BRINP3: variants seen among roughly 807,000 people sequenced by gnomAD.
The protein encoded by BRINP3 is BMP/retinoic acid inducible neural specific 3, also known as BMP/retinoic acid-inducible neural-specific protein 3.
A neutral mutation model predicts 71.0 loss-of-function variants in BRINP3; 19 were observed. The ratio of observed to expected loss-of-function variants is 0.27; its 90% CI spans 0.19 to 0.39. The LOEUF (loss-of-function observed/expected upper bound fraction) is 0.39. BRINP3 is among the 10% of genes least tolerant of loss of function. The pLI is 1.00. For missense variants in BRINP3, 959 were observed against 940.8 expected, an observed-to-expected ratio of 1.02 and a Z score of -0.25; for synonymous variants, 380 against 337.7, an observed-to-expected ratio of 1.13 and a Z score of -1.37.
intron 2 of BRINP3, among the ~76,000 whole-genome samples, chr1:190,344,465 CA>C (rs35115949): frequency 0.4 from 61,078 of 151,622 alleles, 13,756 homozygotes; most frequent in Non-Finnish European, 0.51. Context: ...CTTTTCAGTG[CA>C]AACATAAGTA....
intron 2 of BRINP3, among the ~76,000 whole-genome samples, chr1:190,282,906 ACT>A (rs1663146285): frequency 6.6e-6 from 1 of 152,034 alleles, no homozygotes; most frequent in Admixed American, 6.6e-5. Context: ...AAGGAGGGTA[ACT>A]CTGCCGAGAC....
chr1:190,319,075 T>C (rs1666069555), intron 2 of BRINP3, among the ~76,000 whole-genome samples: 1 of 152,166 alleles, frequency 6.6e-6, no homozygotes, highest in African/African-American at 2.4e-5. Context: ...TCAGACCTGG[T>C]TGTGCTTATT....
At chr1:190,216,676 C>A (rs1318846263) in intron 6 of BRINP3, among the ~76,000 whole-genome samples, 1 of 151,848 alleles carries the variant, frequency 6.6e-6, no homozygotes, top group Non-Finnish European at 1.5e-5. Context: ...TATCTACTGA[C>A]TGAATTTTAT....
intron 2 of BRINP3, among the ~76,000 whole-genome samples, chr1:190,306,482 A>T (rs1044969775): frequency 6.6e-5 from 10 of 151,944 alleles, no homozygotes; most frequent in Admixed American, 4.6e-4. Flanking sequence ...TTGAAATATT[A>T]ACTAATGAAA....
intron 7 of BRINP3, among the ~76,000 whole-genome samples, chr1:190,132,422 T>C (rs1038881323): frequency 1.3e-5 from 2 of 152,138 alleles, no homozygotes; most frequent in African/African-American, 4.8e-5. Context: ...TGTATTATAT[T>C]GGGTTGTAGT....
intron 7 of BRINP3, among the ~76,000 whole-genome samples, chr1:190,130,564 G>A (rs1457320458): frequency 6.6e-6 from 1 of 151,894 alleles, no homozygotes; most frequent in Non-Finnish European, 1.5e-5. Flanking sequence ...TGTTTGCTGA[G>A]CACTTTTCAT....
At chr1:190,121,224 G>A (rs1166139154) in intron 7 of BRINP3, among the ~76,000 whole-genome samples, 1 of 152,088 alleles carries the variant, frequency 6.6e-6, no homozygotes, top group Non-Finnish European at 1.5e-5. Context: ...CTACTGTACT[G>A]TACTGTACTG....
intron 2 of BRINP3, among the ~76,000 whole-genome samples, chr1:190,313,074 C>A (rs1665643732): frequency 6.6e-6 from 1 of 151,486 alleles, no homozygotes; most frequent in Non-Finnish European, 1.5e-5. Flanking sequence ...AAGATGACGA[C>A]TACAAATTAC....
chr1:190,291,924 A>T (rs1173358570), intron 2 of BRINP3, among the ~76,000 whole-genome samples: 1 of 152,170 alleles, frequency 6.6e-6, no homozygotes, highest in Non-Finnish European at 1.5e-5. Flanking sequence ...GGATTTTAAA[A>T]GGTGTTATAT....
Position 190,460,903 on chromosome 1 carries a change from C to T in BRINP3, c.-50-5963G>A, listed in dbSNP as rs569281500. Among the ~76,000 whole-genome samples, 4 of 152,228 alleles carry T rather than the reference C, an allele frequency of 2.6e-5. No individual in the cohort carries two copies. The East Asian group carries it at 7.7e-4, about 29-fold the overall frequency. ...AAATATAAGATTTACCACTTTTTCT[C>T]CACCCCCATTTTACTTGATCAGCTC... On this transcript the variant is annotated intron_variant, in intron 1 of 7. Transcript: ENST00000367462.
chr1:190,247,914 A>G (rs1659757691), intron 4 of BRINP3, among the ~76,000 whole-genome samples: 1 of 151,934 alleles, frequency 6.6e-6, no homozygotes, highest in African/African-American at 2.4e-5. Context: ...TCTTACATTT[A>G]TGGGTTCCCC....
chr1:190,381,621 C>T (rs1159046636), intron 2 of BRINP3, among the ~76,000 whole-genome samples: 1 of 151,718 alleles, frequency 6.6e-6, no homozygotes, highest in Non-Finnish European at 1.5e-5. Context: ...TCTTTTTAGC[C>T]CAAATCATAA....
chr1:190,369,688 TA>T, intron 2 of BRINP3, among the ~76,000 whole-genome samples: 1 of 151,920 alleles, frequency 6.6e-6, no homozygotes, highest in East Asian at 1.9e-4. Context: ...TTTTAATAGA[TA>T]GAGTATTTAT....
chr1:190,241,044 ACTCT>A (rs976794649), intron 4 of BRINP3, among the ~76,000 whole-genome samples: 4 of 151,912 alleles, frequency 2.6e-5, no homozygotes, highest in Admixed American at 1.3e-4. Context: ...TTAACTATAA[ACTCT>A]CTATGCATAA....
intron 4 of BRINP3, among the ~76,000 whole-genome samples, chr1:190,236,337 A>C (rs1658514674): frequency 6.6e-6 from 1 of 151,972 alleles, no homozygotes; most frequent in Non-Finnish European, 1.5e-5. Context: ...CTCTTTGATG[A>C]AAATATTTAG....
At chr1:190,345,395 G>A (rs1030308652) in intron 2 of BRINP3, among the ~76,000 whole-genome samples, 9 of 151,712 alleles carry the variant, frequency 5.9e-5, no homozygotes, top group Non-Finnish European at 1.0e-4. Flanking sequence ...CTGGAATCAG[G>A]AAGAACATTG....
At chr1:190,406,954 T>A (rs953490087) in intron 2 of BRINP3, among the ~76,000 whole-genome samples, 1 of 152,168 alleles carries the variant, frequency 6.6e-6, no homozygotes, top group Admixed American at 6.5e-5. Context: ...TTACAACTGA[T>A]CTTACGATAT....
intron 1 of BRINP3, among the ~76,000 whole-genome samples, chr1:190,459,758 A>C (rs186497885): frequency 8.5e-5 from 13 of 152,176 alleles, no homozygotes; most frequent in Non-Finnish European, 1.8e-4. Context: ...CTGCTGAAGA[A>C]CTTGAATATG....
At chr1:190,196,458 C>A (rs1264895032) in intron 6 of BRINP3, among the ~76,000 whole-genome samples, 1 of 152,078 alleles carries the variant, frequency 6.6e-6, no homozygotes, top group Non-Finnish European at 1.5e-5. Context: ...CTCCAAAAAA[C>A]ATTTAAACAT....
Sources: allele counts gnomAD v4.1 joint callset (sites outside exome capture counted in the v4.1 genomes callset), GRCh38; gene constraint gnomAD v4.1.1; transcripts MANE v1.5; gene names NCBI Gene and HGNC (gene_info 2026-07-23, HGNC 2026-07-21).